PCNX4: variants seen among roughly 807,000 people sequenced by gnomAD.
The protein encoded by PCNX4 is pecanex-like protein 4.
PCNX4 carries 103 observed loss-of-function variants against 107.2 expected under a neutral mutation model. The observed-to-expected ratio is 0.96, with a 90% CI of 0.82 to 1.13. The LOEUF (loss-of-function observed/expected upper bound fraction) is 1.13. Among genes scored for constraint, PCNX4 ranks in the 50% most tolerant of loss-of-function variants. PCNX4 has a pLI of 0.00. For missense variants in PCNX4, 1,528 were observed against 1,379.4 expected, an observed-to-expected ratio of 1.11 and a Z score of -1.71; for synonymous variants, 541 against 481.7, an observed-to-expected ratio of 1.12 and a Z score of -1.61.
chr14:60,101,548 T>C (rs1374393077), intron 1 of PCNX4, among the ~76,000 whole-genome samples: 1 of 152,172 alleles, frequency 6.6e-6, no homozygotes, highest in Non-Finnish European at 1.5e-5. Context: ...CTCCTTAATA[T>C]CACCTCACCT....
intron 8 of PCNX4, among the ~76,000 whole-genome samples, chr14:60,123,288 C>T (rs759557039): frequency 3.3e-5 from 5 of 151,968 alleles, no homozygotes; most frequent in African/African-American, 4.8e-5. Context: ...TGGGTTAGGC[C>T]ATGCCATCTA....
In PCNX4 at chr14:60,137,260, T is replaced by C. The variant is rs577399240; in HGVS notation, c.*3039T>C. The C allele has an allele frequency of 4.6e-5, 7 of 152,296 alleles. No individual in the cohort carries two copies. The highest frequency in any genetic ancestry group is 1.3e-4 in the Admixed American group (2 of 15,308). The allele number at this position is 152,296 out of a possible 1,614,324, so 9.4% of individuals were successfully genotyped here. A position where few individuals can be genotyped will look rare whatever the true frequency, so the allele number is the denominator to read the frequency against. On this transcript the variant is annotated 3_prime_UTR_variant, in exon 11 of 11. Coordinates refer to ENST00000406854, the MANE Select transcript of PCNX4 (RefSeq NM_001330177.2). ...AGTCTGAGACGCTAAGTAACACTTA[T>C]AACAGCCTTGCTGCTGAGTTAGAGG...
chr14:60,103,603 T>C (rs998516726), intron 1 of PCNX4, among the ~76,000 whole-genome samples: 14 of 152,252 alleles, frequency 9.2e-5, no homozygotes, highest in Admixed American at 2.0e-4. Flanking sequence ...CTCTTTGTGC[T>C]TCTTGGTCTG....
At chr14:60,130,226 G>A (rs1896129877) in intron 10 of PCNX4, among the ~76,000 whole-genome samples, 1 of 151,600 alleles carries the variant, frequency 6.6e-6, no homozygotes, top group South Asian at 2.1e-4. Context: ...TGTAGTCCCA[G>A]CTACTCTGGA....
At chr14:60,114,620 TTC>T in intron 2 of PCNX4, 78 bp from the exon 3 acceptor site, 1 of 1,232,464 alleles carries the variant, frequency 8.1e-7, no homozygotes, top group Non-Finnish European at 1.1e-6. Context: ...TGTGTTGTTA[TTC>T]TGTGTTGCTT....
At chr14:60,108,367 T>A in intron 2 of PCNX4, 40 bp downstream of exon 2, 1 of 1,457,062 alleles carries the variant, frequency 6.9e-7, no homozygotes, top group Non-Finnish European at 9.4e-7. Flanking sequence ...ACTTTGTTTT[T>A]AAGTATACAG....
chr14:60,124,182 G>T (rs1243412815), intron 8 of PCNX4, 36 bp from the exon 9 acceptor site: 2 of 1,448,082 alleles, frequency 1.4e-6, no homozygotes, highest in South Asian at 1.5e-5. Flanking sequence ...TGTAATAAAT[G>T]ATTATAAACT....
At chr14:60,104,431 A>G (rs1000698097) in intron 1 of PCNX4, among the ~76,000 whole-genome samples, 3 of 152,008 alleles carry the variant, frequency 2.0e-5, no homozygotes, top group African/African-American at 7.3e-5. Flanking sequence ...TACTTAAGCT[A>G]TGTCTTTAAA....
chr14:60,115,970 G>A lies in PCNX4; in HGVS notation c.1488G>A (p.Leu496=). ...MVWQNTENAL[L]ETVIVSTVHL... is the part of the protein sequence containing the mutation. ...GGCAGAATACAGAAAATGCTTTATT[G>A]GAGACAGTCATTGTATCAACAGTAC... Residue 496 remains leucine, a synonymous_variant, in exon 6 of 11, where the codon TTG becomes TTA. Transcript: ENST00000406854. The A allele has an allele frequency of 1.2e-6, 2 of 1,611,684 alleles. No individual in the cohort carries two copies. Among genetic ancestry groups the A allele is most frequent in the Non-Finnish European group, 1.7e-6 (2 of 1,178,532 alleles).
At chr14:60,116,157 C>T in intron 6 of PCNX4, 97 bp downstream of exon 6, 1 of 1,134,782 alleles carries the variant, frequency 8.8e-7, no homozygotes, top group East Asian at 2.7e-5. Flanking sequence ...GTCATCACCA[C>T]AATCTAATTT....
intron 10 of PCNX4, among the ~76,000 whole-genome samples, chr14:60,132,049 A>C (rs1451748913): frequency 6.6e-6 from 1 of 152,232 alleles, no homozygotes; most frequent in East Asian, 1.9e-4. Flanking sequence ...ACTTTTTAAA[A>C]AATGGAAATT....
intron 1 of PCNX4, among the ~76,000 whole-genome samples, chr14:60,093,277 C>G (rs1325351949): frequency 2.0e-5 from 3 of 152,112 alleles, no homozygotes; most frequent in Non-Finnish European, 2.9e-5. Context: ...TTGTGCAACC[C>G]TTACCACAGT....
At position 60,146,788 on chromosome 14, in the gene PCNX4, G is replaced by A. The variant is rs1224582336; in HGVS notation, c.*12567G>A. On this transcript the variant is annotated 3_prime_UTR_variant, in exon 11 of 11. Coordinates refer to ENST00000406854, the MANE Select transcript of PCNX4 (RefSeq NM_001330177.2). This position sits in a 1 kb window ranked among gnomAD's most constrained non-coding sequence, Gnocchi z 4.9. Reference sequence around the variant, plus strand: ...GTGAAAACATGGATAATGAATGGACGTTAATGCTAAGTGATATAAGCAAGA... The same window carrying A: ...GTGAAAACATGGATAATGAATGGACATTAATGCTAAGTGATATAAGCAAGA... 2.0e-5 allele frequency: 3 copies of A among 152,106 alleles called. No individual in the cohort carries two copies. The highest frequency in any genetic ancestry group is 4.1e-4 in the South Asian group (2 of 4,830). The allele number at this position is 152,106 out of a possible 1,614,324, so 9.4% of individuals were successfully genotyped here.
chr14:60,108,057 C>T lies in PCNX4; in HGVS notation c.419C>T (p.Thr140Ile). ...CCTGGCAAGAAATATGTAGCCAATA[C>T]AGTTTTTCATTCTATTCTTGCTGGA... ...LIPGKKYVAN[T>I]VFHSILAGLA... Residue 140 changes from threonine to isoleucine, a missense_variant, in exon 2 of 11, where the codon ACA (threonine) becomes ATA (isoleucine). By Grantham distance (89) the Thr-to-Ile change is moderately conservative (BLOSUM62 -1). Coordinates refer to ENST00000406854, the MANE Select transcript of PCNX4 (RefSeq NM_001330177.2). 6.2e-7 allele frequency: 1 copy of T among 1,612,836 alleles called. No individual in the cohort carries two copies. Among genetic ancestry groups the T allele is most frequent in the Non-Finnish European group, 8.5e-7 (1 of 1,179,866 alleles).
rs1896315087 is a variant in PCNX4, at chr14:60,142,217, C to CACTTTGTTATGTAA, written c.*8001_*8002insGTTATGTAAACTTT. On this transcript the variant is annotated 3_prime_UTR_variant, in exon 11 of 11. Transcript: ENST00000406854. The surrounding 1 kb of genome is among the most constrained non-coding windows in gnomAD (Gnocchi z 4.7). ...ATATGGCAAAACTTAACAAATTGTA[C>CACTTTGTTATGTAA]ACTTTAAATATATGCAGTTTATCAT... The CACTTTGTTATGTAA allele has an allele frequency of 6.6e-6, 1 of 152,154 alleles. No homozygotes were observed. Among genetic ancestry groups the CACTTTGTTATGTAA allele is most frequent in the Non-Finnish European group, 1.5e-5 (1 of 68,032 alleles). 9.4% of individuals were successfully genotyped at this position (152,154 alleles called of 1,614,324 possible). A position where few individuals can be genotyped will look rare whatever the true frequency, so the allele number is the denominator to read the frequency against.
intron 6 of PCNX4, among the ~76,000 whole-genome samples, chr14:60,117,606 A>T (rs1895874506): frequency 6.6e-6 from 1 of 152,206 alleles, no homozygotes; most frequent in Non-Finnish European, 1.5e-5. Context: ...ATACTTCAAG[A>T]TACTGCAGAA....
rs190291285 is a variant in PCNX4 at position 60,137,024 on chromosome 14, T to G, written c.*2803T>G. The G allele has an allele frequency of 6.6e-6, 1 of 152,408 alleles. No individual in the cohort carries two copies. The highest frequency in any genetic ancestry group is 2.4e-5 in the African/African-American group (1 of 41,584). The allele number at this position is 152,408 out of a possible 1,614,324, so 9.4% of individuals were successfully genotyped here. ...AAACCTACTTTTCTACTTCTAACTT[T>G]TAGTGGTGCATTCATACCAACTATT... On this transcript the variant is annotated 3_prime_UTR_variant, in exon 11 of 11. Coordinates refer to ENST00000406854, the MANE Select transcript of PCNX4 (RefSeq NM_001330177.2).
Position 60,146,211 on chromosome 14 carries a change from A to AT in PCNX4, c.*11997dup, listed in dbSNP as rs1018498685. On this transcript the variant is annotated 3_prime_UTR_variant, in exon 11 of 11. Transcript: ENST00000406854. The surrounding 1 kb of genome is among the most constrained non-coding windows in gnomAD (Gnocchi z 4.9). ...TGGTGGTAGGAAGAAAAAGGCTGTC[A>AT]TTTTTTTAGAAAAACCTAGATGTAA... 1.3e-5 allele frequency: 2 copies of AT among 151,932 alleles called. No homozygotes were observed. The highest frequency in any genetic ancestry group is 4.8e-5 in the African/African-American group (2 of 41,394). 9.4% of individuals were successfully genotyped at this position (151,932 alleles called of 1,614,324 possible).
At chr14:60,092,879 A>G (rs530598735) in intron 1 of PCNX4, among the ~76,000 whole-genome samples, 2 of 152,320 alleles carry the variant, frequency 1.3e-5, no homozygotes, top group African/African-American at 2.4e-5. Context: ...ACTCCAGTGA[A>G]TCGGAAGTTG....
Sources: allele counts gnomAD v4.1 joint callset (sites outside exome capture counted in the v4.1 genomes callset), GRCh38; gene constraint gnomAD v4.1.1; non-coding constraint Gnocchi (gnomAD v3.1); transcripts MANE v1.5; gene names NCBI Gene and HGNC (gene_info 2026-07-23, HGNC 2026-07-21).